Variants in MCU observed in about 807,000 individuals in gnomAD.
The protein encoded by MCU is mitochondrial calcium uniporter, also known as calcium uniporter protein, mitochondrial.
In MCU, 12 loss-of-function variants were observed where a neutral mutation model predicts 45.2. The ratio of observed to expected loss-of-function variants is 0.27; its 90% CI spans 0.17 to 0.43. The LOEUF is 0.43. Ranked by LOEUF, MCU falls within the 20% of genes least tolerant of loss-of-function variation. MCU has a pLI of 1.00. For missense variants in MCU, 324 were observed against 436.7 expected (o/e 0.74, Z 2.30); for synonymous variants, 160 against 165.1 (o/e 0.97, Z 0.24).
intron 1 of MCU, among the ~76,000 whole-genome samples, chr10:72,814,325 G>C (rs1844592342): frequency 6.6e-6 from 1 of 152,126 alleles, no homozygotes; most frequent in African/African-American, 2.4e-5. Flanking sequence ...AACAAATGTT[G>C]TTCCTGGCAC....
chr10:72,806,358 C>G (rs1425282391), intron 1 of MCU, among the ~76,000 whole-genome samples: 3 of 152,014 alleles, frequency 2.0e-5, no homozygotes, highest in African/African-American at 4.8e-5. Flanking sequence ...CGGGGTTTCT[C>G]CATGTTGGTC....
chr10:72,869,713 T>G (rs1423285929), intron 5 of MCU, among the ~76,000 whole-genome samples: 1 of 152,206 alleles, frequency 6.6e-6, no homozygotes, highest in African/African-American at 2.4e-5. Flanking sequence ...TAGAGATGAT[T>G]TAAAACATAT....
chr10:72,849,391 C>CA, intron 2 of MCU, among the ~76,000 whole-genome samples: 1 of 151,650 alleles, frequency 6.6e-6, no homozygotes, highest in Non-Finnish European at 1.5e-5. Context: ...CTGGCTTGGT[C>CA]AAAAATAAAA....
chr10:72,786,876 GTTATTT>G (rs1317151495), intron 1 of MCU, among the ~76,000 whole-genome samples: 3 of 152,092 alleles, frequency 2.0e-5, no homozygotes, highest in African/African-American at 4.8e-5. Flanking sequence ...AGGTATTTAG[GTTATTT>G]CCCATAGCAC....
chr10:72,864,842 C>T (rs1845429948), intron 4 of MCU, among the ~76,000 whole-genome samples: 1 of 152,090 alleles, frequency 6.6e-6, no homozygotes, highest in Non-Finnish European at 1.5e-5. Context: ...CTTCTTTATT[C>T]CCTGATTCTT....
At chr10:72,842,467 C>G (rs1284553685) in intron 2 of MCU, among the ~76,000 whole-genome samples, 1 of 152,140 alleles carries the variant, frequency 6.6e-6, no homozygotes, top group Non-Finnish European at 1.5e-5. Flanking sequence ...TACCATGTAC[C>G]TTTCTCGGAA....
At chr10:72,787,492 C>A (rs2132760268) in intron 1 of MCU, among the ~76,000 whole-genome samples, 1 of 152,126 alleles carries the variant, frequency 6.6e-6, no homozygotes, top group Admixed American at 6.5e-5. Flanking sequence ...TGGTCTTGAA[C>A]TCCTGACCTC....
At chr10:72,833,223 G>C (rs1844905606) in intron 1 of MCU, among the ~76,000 whole-genome samples, 1 of 152,092 alleles carries the variant, frequency 6.6e-6, no homozygotes, top group South Asian at 2.1e-4. Context: ...CACTGTATGG[G>C]ACAGCTATGT....
intron 6 of MCU, among the ~76,000 whole-genome samples, chr10:72,876,921 G>GT (rs11365046): frequency 0.039 from 5,212 of 134,134 alleles, 120 homozygotes; most frequent in Non-Finnish European, 0.052. Context: ...TCAAATCACA[G>GT]TTTTTTTTTT....
intron 1 of MCU, among the ~76,000 whole-genome samples, chr10:72,780,598 T>G (rs1191533339): frequency 7.1e-6 from 1 of 141,392 alleles, no homozygotes; most frequent in Non-Finnish European, 1.5e-5. Context: ...TGTCATCATT[T>G]GTTAAAACAA....
chr10:72,872,842 C>T (rs896456636), intron 6 of MCU, among the ~76,000 whole-genome samples: 1 of 151,964 alleles, frequency 6.6e-6, no homozygotes, highest in Non-Finnish European at 1.5e-5. Flanking sequence ...TGAGGAGGCT[C>T]CCTACTGTTT....
At chr10:72,734,345 A>G (rs571109220) in intron 1 of MCU, among the ~76,000 whole-genome samples, 3 of 152,342 alleles carry the variant, frequency 2.0e-5, no homozygotes, top group Admixed American at 1.3e-4. Flanking sequence ...CCAAACTACT[A>G]TGTACTGCAA....
At chr10:72,748,371 A>C in intron 1 of MCU, among the ~76,000 whole-genome samples, 1 of 152,220 alleles carries the variant, frequency 6.6e-6, no homozygotes, top group East Asian at 1.9e-4. Flanking sequence ...TCGTTAGATT[A>C]GACACATTTT....
At chr10:72,722,521 CT>C (rs61668864) in intron 1 of MCU, among the ~76,000 whole-genome samples, 8,290 of 139,262 alleles carry the variant, frequency 0.06, 679 homozygotes, top group African/African-American at 0.19. Flanking sequence ...TTCTTTCTTT[CT>C]TTTTTTTTTT....
chr10:72,872,441 C>T (rs1845558241), intron 6 of MCU, among the ~76,000 whole-genome samples: 2 of 152,160 alleles, frequency 1.3e-5, no homozygotes, highest in South Asian at 2.1e-4. Context: ...ACATTATTCT[C>T]CTCTCTACTT....
chr10:72,771,562 T>C (rs959802684), intron 1 of MCU, among the ~76,000 whole-genome samples: 1 of 152,232 alleles, frequency 6.6e-6, no homozygotes, highest in Non-Finnish European at 1.5e-5. Context: ...TAAAGTCCAC[T>C]TTGCTGAATA....
rs114888392 is a variant in MCU, at chr10:72,817,882, C to A, written c.151-16477C>A. On this transcript the variant is annotated intron_variant, in intron 1 of 7. Transcript: ENST00000373053. Reference sequence around the variant, plus strand: ...AGCACTAAGATTTTTGTCCCACTGGCAATTAACATTTATTGAGTGGCTTTG... The same window carrying A: ...AGCACTAAGATTTTTGTCCCACTGGAAATTAACATTTATTGAGTGGCTTTG... Among the ~76,000 whole-genome samples the A allele has an allele frequency of 5.9e-3, 905 of 152,284 alleles. 11 individuals are homozygous for A. Among genetic ancestry groups the A allele is most frequent in the African/African-American group, 0.021 (853 of 41,548 alleles).
rs540534338 is a variant in MCU, at chr10:72,775,300, G to A, written c.151-59059G>A. Among the ~76,000 whole-genome samples the A allele has an allele frequency of 3.9e-5, 6 of 152,072 alleles. No homozygotes were observed. The South Asian group carries it at 1.2e-3, about 32-fold the overall frequency. ...CAACATGCTCCTGAATGACCAATGG[G>A]CCAATGAAAAAATTAGGAAAATTAA... On this transcript the variant is annotated intron_variant, in intron 1 of 7. Transcript: ENST00000373053.
intron 1 of MCU, chr10:72,766,417 A>G (rs1019402088): frequency 3.9e-5 from 6 of 152,312 alleles, no homozygotes; most frequent in Admixed American, 6.5e-5. Context: ...TGGCCTTTAT[A>G]TATTGCTAAG....
Sources: allele counts gnomAD v4.1 joint callset (sites outside exome capture counted in the v4.1 genomes callset), GRCh38; gene constraint gnomAD v4.1.1; transcripts MANE v1.5; gene names NCBI Gene and HGNC (gene_info 2026-07-23, HGNC 2026-07-21).